The following ADGRL2 variants were observed in gnomAD, a reference collection of about 807,000 sequenced individuals.
ADGRL2 encodes adhesion G protein-coupled receptor L2.
In ADGRL2, 44 loss-of-function variants were observed where a neutral mutation model predicts 157.4. That is an observed-to-expected ratio of 0.28 (90% CI 0.22 to 0.36). The LOEUF (loss-of-function observed/expected upper bound fraction) is 0.36. Ranked by LOEUF, ADGRL2 falls within the 10% of genes least tolerant of loss-of-function variation. The pLI, the probability that ADGRL2 is intolerant of heterozygous loss-of-function variation, is 1.00. For synonymous variants in ADGRL2, 585 were observed against 624.7 expected (o/e 0.94, Z 0.95); for missense variants, 1,510 against 1,768.9 (o/e 0.85, Z 2.63).
At chr1:81,837,385 A>AT (rs2092335868) in intron 2 of ADGRL2, among the ~76,000 whole-genome samples, 1 of 151,944 alleles carries the variant, frequency 6.6e-6, no homozygotes, top group African/African-American at 2.4e-5. Context: ...AGTGGAAAGT[A>AT]TTTTGTGGAA....
At chr1:81,678,556 T>C (rs1174636575) in intron 3 of ADGRL2, among the ~76,000 whole-genome samples, 2 of 152,228 alleles carry the variant, frequency 1.3e-5, no homozygotes, top group African/African-American at 4.8e-5. Flanking sequence ...GAGGTATTTT[T>C]GTTATTCCTG....
chr1:81,700,654 T>C (rs1176673403), intron 1 of ADGRL2, among the ~76,000 whole-genome samples: 1 of 152,198 alleles, frequency 6.6e-6, no homozygotes, highest in Non-Finnish European at 1.5e-5. Context: ...TTGTTTGCAT[T>C]AGTATTTGAG....
chr1:81,386,185 A>G (rs568364292), intron 1 of ADGRL2, among the ~76,000 whole-genome samples: 1 of 152,300 alleles, frequency 6.6e-6, no homozygotes, highest in East Asian at 1.9e-4. Flanking sequence ...TAATCTAATG[A>G]CATGTCTGAC....
intron 2 of ADGRL2, among the ~76,000 whole-genome samples, chr1:81,770,982 G>A (rs905119601): frequency 1.3e-5 from 2 of 151,916 alleles, no homozygotes; most frequent in Non-Finnish European, 2.9e-5. Context: ...CAAAACTTAC[G>A]TGTATTTTCT....
intron 1 of ADGRL2, among the ~76,000 whole-genome samples, chr1:81,314,861 A>G (rs1018732759): frequency 5.9e-5 from 9 of 152,194 alleles, no homozygotes; most frequent in African/African-American, 2.2e-4. Context: ...TAACATTGTG[A>G]TCATTTCCTG....
At chr1:81,344,163 G>C (rs1222799654) in intron 1 of ADGRL2, among the ~76,000 whole-genome samples, 1 of 152,082 alleles carries the variant, frequency 6.6e-6, no homozygotes, top group Non-Finnish European at 1.5e-5. Flanking sequence ...CCGCCTCCCA[G>C]GTTCAAGCAA....
chr1:81,726,747 A>G (rs1394172835), intron 1 of ADGRL2, among the ~76,000 whole-genome samples: 3 of 152,198 alleles, frequency 2.0e-5, no homozygotes, highest in Admixed American at 2.0e-4. Context: ...TTCACGTTAT[A>G]TAGCTCACAT....
At chr1:81,359,746 A>G (rs10874222) in intron 1 of ADGRL2, among the ~76,000 whole-genome samples, 77,287 of 151,732 alleles carry the variant, frequency 0.51, 21,678 homozygotes, top group East Asian at 0.72. Context: ...ACATTTACCT[A>G]CATAAATGCA....
intron 1 of ADGRL2, among the ~76,000 whole-genome samples, chr1:81,822,028 C>CTTTTTTTTTT (rs10653806): frequency 0.019 from 2,418 of 125,052 alleles, 109 homozygotes; most frequent in East Asian, 0.04. Flanking sequence ...ATATCAGAAA[C>CTTTTTTTTTT]TTTTTTTTTT....
At chr1:81,422,403 C>A (rs1005196397) in intron 1 of ADGRL2, among the ~76,000 whole-genome samples, 2 of 152,176 alleles carry the variant, frequency 1.3e-5, no homozygotes, top group Non-Finnish European at 2.9e-5. Flanking sequence ...TGCCACCATG[C>A]CTGGCCAATT....
intron 1 of ADGRL2, among the ~76,000 whole-genome samples, chr1:81,307,439 T>G (rs1035491667): frequency 1.3e-5 from 2 of 152,192 alleles, no homozygotes; most frequent in African/African-American, 4.8e-5. Context: ...TTATAGACTT[T>G]AAAATCTCTT....
chr1:81,689,328 T>G (rs1195439663), intron 3 of ADGRL2, among the ~76,000 whole-genome samples: 1 of 152,124 alleles, frequency 6.6e-6, no homozygotes, highest in Non-Finnish European at 1.5e-5. Context: ...TTTCTAAAGA[T>G]TTGTTCCTTT....
chr1:81,888,871 C>T lies in ADGRL2; in HGVS notation c.74-18146C>T, dbSNP rs2094194686. Among the ~76,000 whole-genome samples the T allele has an allele frequency of 3.9e-5, 6 of 152,276 alleles. No individual in the cohort carries two copies. The South Asian group carries it at 1.2e-3, about 32-fold the overall frequency. On this transcript the variant is annotated intron_variant, in intron 2 of 23. Transcript: ENST00000686636. Reference sequence around the variant, plus strand: ...CTGTGTCACATTTTGTTAATTCCCACAATATTTCAAGTTTTTCTATTATAT... The same window carrying T: ...CTGTGTCACATTTTGTTAATTCCCATAATATTTCAAGTTTTTCTATTATAT...
Position 81,785,523 on chromosome 1 carries a change from T to G in ADGRL2, c.-101+23671T>G, listed in dbSNP as rs772788281. Among the ~76,000 whole-genome samples the G allele has an allele frequency of 4.6e-5, 7 of 151,840 alleles. No homozygotes were observed. The East Asian group carries it at 7.8e-4, about 17-fold the overall frequency. Reference sequence around the variant, plus strand: ...TGGGAGGATTGCTCAAACCCAAGAGTTCCAGACCAGCCTGGGCAGCATAGG... The same window carrying G: ...TGGGAGGATTGCTCAAACCCAAGAGGTCCAGACCAGCCTGGGCAGCATAGG... On this transcript the variant is annotated intron_variant, in intron 2 of 20. Coordinates refer to the ADGRL2 transcript ENST00000359929.
chr1:81,770,536 C>T lies in ADGRL2; in HGVS notation c.-101+8684C>T, dbSNP rs550180568. Among the ~76,000 whole-genome samples the T allele has an allele frequency of 2.8e-4, 43 of 151,266 alleles. 1 individual carries two copies. Among genetic ancestry groups the T allele is most frequent in the East Asian group, 2.0e-4 (1 of 5,104 alleles). On this transcript the variant is annotated intron_variant, in intron 2 of 20. Coordinates refer to the ADGRL2 transcript ENST00000359929. ...TTGCCCAGGCTGGAGTCCAATGGCGCGATCTTGGCTCACTGCAACCTCCAC... is the reference window on the plus strand; with the variant it reads ...TTGCCCAGGCTGGAGTCCAATGGCGTGATCTTGGCTCACTGCAACCTCCAC...
chr1:81,849,997 G>A (rs1011920579), intron 2 of ADGRL2, among the ~76,000 whole-genome samples: 2 of 151,618 alleles, frequency 1.3e-5, no homozygotes, highest in Non-Finnish European at 3.0e-5. Flanking sequence ...ACACAACATG[G>A]TTGACATTGT....
rs72717789 is a variant in ADGRL2 at position 81,888,034 on chromosome 1, A to G, written c.74-18983A>G. 2.0e-3 allele frequency among the ~76,000 whole-genome samples: 306 copies of G among 152,310 alleles called. 1 individual carries two copies. The highest frequency in any genetic ancestry group is 3.2e-3 in the Non-Finnish European group (217 of 68,018). Reference sequence around the variant, plus strand: ...TCTATGCCATACTTAGGCATTTGGAATTTATCTTAAAAGACCAGGGAAAGC... The same window carrying G: ...TCTATGCCATACTTAGGCATTTGGAGTTTATCTTAAAAGACCAGGGAAAGC... On this transcript the variant is annotated intron_variant, in intron 2 of 23. Coordinates refer to ENST00000686636, the MANE Select transcript of ADGRL2 (RefSeq NM_001366006.2).
intron 6 of ADGRL2, 35 bp from the exon 7 acceptor site, chr1:81,950,154 T>C (rs1440389413): frequency 1.5e-5 from 23 of 1,571,562 alleles, no homozygotes; most frequent in Non-Finnish European, 1.8e-5. Flanking sequence ...TGCAAGTGTG[T>C]GTTTGAGATT....
intron 11 of ADGRL2, among the ~76,000 whole-genome samples, chr1:81,959,992 A>T (rs948998298): frequency 6.6e-6 from 1 of 151,828 alleles, no homozygotes; most frequent in Non-Finnish European, 1.5e-5. Flanking sequence ...TTAAGACGGG[A>T]TTTCACCATG....
Sources: gnomAD v4.1 joint callset for allele counts (sites outside exome capture counted in the v4.1 genomes callset) on GRCh38, gnomAD v4.1.1 for gene constraint, MANE v1.5 for transcripts, NCBI Gene and HGNC (gene_info 2026-07-23, HGNC 2026-07-21) for gene names.